The following RBM19 variants were observed in gnomAD, a reference collection of about 807,000 sequenced individuals.
RBM19 encodes the protein RNA binding motif protein 19.
Under a neutral mutation model 116.8 loss-of-function variants are expected in RBM19, and 94 were observed. The observed-to-expected ratio is 0.80, with a 90% CI of 0.68 to 0.95. The LOEUF is 0.95. RBM19 is among the 40% of genes least tolerant of loss of function. The pLI, the probability that RBM19 is intolerant of heterozygous loss-of-function variation, is 0.00. For synonymous variants in RBM19, 475 were observed against 494.1 expected (o/e 0.96, Z 0.51); for missense variants, 1,161 against 1,220.7 (o/e 0.95, Z 0.73).
chr12:113,945,628 C>T (rs180997295), intron 13 of RBM19, among the ~76,000 whole-genome samples, 200 bp downstream of exon 13: 8 of 152,330 alleles, frequency 5.3e-5, no homozygotes, highest in African/African-American at 1.7e-4. Context: ...CATGAGAAGC[C>T]AGGGCTGGAG....
intron 23 of RBM19, among the ~76,000 whole-genome samples, chr12:113,841,422 C>CTTTTTTTTTTTT (rs71089416): frequency 6.9e-5 from 9 of 130,000 alleles, no homozygotes; most frequent in Middle Eastern, 4.3e-3. Context: ...TTTTTCTTTT[C>CTTTTTTTTTTTT]TTTTTTTTTT....
At chr12:113,884,142 G>C (rs1880357312) in intron 21 of RBM19, among the ~76,000 whole-genome samples, 1 of 125,256 alleles carries the variant, frequency 8.0e-6, no homozygotes, top group African/African-American at 2.8e-5. Context: ...AAACTCGCCA[G>C]GCATGGTGAT....
intron 16 of RBM19, among the ~76,000 whole-genome samples, chr12:113,929,737 T>C (rs147998043): frequency 4.6e-5 from 7 of 152,312 alleles, no homozygotes; most frequent in African/African-American, 1.7e-4. Context: ...TCCCCTGCCA[T>C]GACCAGGCAT....
intron 13 of RBM19, among the ~76,000 whole-genome samples, chr12:113,943,939 A>G (rs905483210): frequency 1.3e-5 from 2 of 151,970 alleles, no homozygotes; most frequent in African/African-American, 2.4e-5. Context: ...ATTTCCAACT[A>G]CACATGTGGC....
chr12:113,950,237 C>T (rs775776186), intron 8 of RBM19, 83 bp from the exon 9 acceptor site: 26 of 1,143,752 alleles, frequency 2.3e-5, no homozygotes, highest in African/African-American at 3.1e-5. Context: ...CCATACTGTG[C>T]TAGGAGCAGA....
rs140841193 is a variant in RBM19, at chr12:113,936,600, C to T, written c.2068+407G>A. ...CCCCCAGGGGCCACGGCTTCCCCTT[C>T]CTTTCCTGTCTTTGCAGTCACTGGA... is the stretch of plus-strand genomic sequence containing the variant. On this transcript the variant is annotated intron_variant, in intron 16 of 23. Coordinates refer to ENST00000261741, the MANE Select transcript of RBM19 (RefSeq NM_016196.4). 1.0e-3 allele frequency among the ~76,000 whole-genome samples: 157 copies of T among 152,342 alleles called. 1 individual carries two copies. The highest frequency in any genetic ancestry group is 2.7e-3 in the Admixed American group (42 of 15,300).
chr12:113,916,168 T>G (rs1009871269), intron 20 of RBM19, among the ~76,000 whole-genome samples: 3 of 152,168 alleles, frequency 2.0e-5, no homozygotes, highest in Admixed American at 2.0e-4. Flanking sequence ...CCCAACACTT[T>G]GGGAGGCTTA....
rs1187057094 is a variant in RBM19, at chr12:113,823,008, G to T, written c.*216C>A. 1.8e-5 allele frequency: 10 copies of T among 567,266 alleles called. No individual in the cohort carries two copies. In the Admixed American group the frequency reaches 3.1e-4, roughly 17 times the overall value. 35.1% of individuals were successfully genotyped at this position (567,266 alleles called of 1,614,324 possible). On this transcript the variant is annotated 3_prime_UTR_variant, in exon 24 of 24. Transcript: ENST00000261741. The stretch of plus-strand genomic sequence containing the variant: ...GCAGGTGCGCAGTCAGTGTCTGCTA[G>T]AACGCGTCACTGGTGAAACCCAGGA...
intron 21 of RBM19, among the ~76,000 whole-genome samples, chr12:113,892,086 T>C (rs185983167): frequency 6.6e-6 from 1 of 152,228 alleles, no homozygotes; most frequent in East Asian, 1.9e-4. Flanking sequence ...TGAGCCATTA[T>C]AGAAGGCTTT....
chr12:113,879,635 T>A (rs1879965714), intron 21 of RBM19, among the ~76,000 whole-genome samples: 1 of 151,942 alleles, frequency 6.6e-6, no homozygotes, highest in Non-Finnish European at 1.5e-5. Flanking sequence ...TCCTTCCTCC[T>A]AAGAGCTTAG....
intron 13 of RBM19, 39 bp from the exon 14 acceptor site, chr12:113,942,473 G>C: frequency 6.5e-7 from 1 of 1,541,438 alleles, no homozygotes; most frequent in Admixed American, 1.9e-5. Context: ...TTGGCTGTCG[G>C]CCAGGTGACT....
At chr12:113,873,891 G>A (rs1184394323) in intron 21 of RBM19, among the ~76,000 whole-genome samples, 2 of 152,156 alleles carry the variant, frequency 1.3e-5, no homozygotes, top group African/African-American at 4.8e-5. Context: ...GACCAAGTGG[G>A]GAGTGCTGTG....
At chr12:113,920,936 T>G (rs1868503754) in intron 18 of RBM19, among the ~76,000 whole-genome samples, 1 of 152,186 alleles carries the variant, frequency 6.6e-6, no homozygotes, top group Admixed American at 6.5e-5. Flanking sequence ...ATGACTGACA[T>G]GATAATTAAC....
chr12:113,938,009 C>T (rs1870225375), intron 15 of RBM19, among the ~76,000 whole-genome samples: 1 of 152,142 alleles, frequency 6.6e-6, no homozygotes, highest in Non-Finnish European at 1.5e-5. Flanking sequence ...GGCTGCATCA[C>T]TACTTAGCTG....
intron 21 of RBM19, among the ~76,000 whole-genome samples, chr12:113,880,528 G>A (rs1284630265): frequency 6.6e-6 from 1 of 152,134 alleles, no homozygotes; most frequent in Non-Finnish European, 1.5e-5. Flanking sequence ...AAGTGGCTTC[G>A]GTCTCAGGGG....
intron 23 of RBM19, among the ~76,000 whole-genome samples, chr12:113,826,627 G>T (rs1443045066): frequency 2.0e-5 from 3 of 152,206 alleles, no homozygotes; most frequent in Non-Finnish European, 4.4e-5. Context: ...TCTGGCAGGG[G>T]GAGATGGAGA....
chr12:113,870,562 C>T (rs1048743629), intron 21 of RBM19, among the ~76,000 whole-genome samples: 4 of 152,040 alleles, frequency 2.6e-5, no homozygotes, highest in African/African-American at 9.7e-5. Context: ...ACAAGGAGGG[C>T]AGGTGATGAG....
chr12:113,955,105 G>A (rs765849523), intron 7 of RBM19, 26 bp downstream of exon 7: 63 of 1,611,274 alleles, frequency 3.9e-5, no homozygotes, highest in Non-Finnish European at 4.8e-5. Context: ...GCAGGCTGCC[G>A]ACCCTTGTCC....
At chr12:113,941,373 A>G (rs1870551971) in intron 14 of RBM19, among the ~76,000 whole-genome samples, 2 of 152,224 alleles carry the variant, frequency 1.3e-5, no homozygotes, top group Admixed American at 6.5e-5. Context: ...CTAGCTGTGA[A>G]GTGACTTCAC....
Sources: allele counts gnomAD v4.1 joint callset (sites outside exome capture counted in the v4.1 genomes callset), GRCh38; gene constraint gnomAD v4.1.1; transcripts MANE v1.5; gene names NCBI Gene and HGNC (gene_info 2026-07-23, HGNC 2026-07-21).